The following CFAP99 variants were observed in gnomAD, a reference collection of about 807,000 sequenced individuals.
CFAP99 encodes cilia- and flagella-associated protein 99.
CFAP99 carries 84 observed loss-of-function variants against 82.7 expected under a neutral mutation model. The observed-to-expected ratio is 1.02, with a 90% CI of 0.85 to 1.22. The LOEUF (loss-of-function observed/expected upper bound fraction) is 1.22, where lower values mean the gene tolerates loss of function less well. CFAP99 is among the 50% of genes most tolerant of loss of function. CFAP99 has a pLI of 0.00. For missense variants in CFAP99, 1,059 were observed against 983.5 expected (o/e 1.08, Z -1.03); for synonymous variants, 456 against 429.5 (o/e 1.06, Z -0.76).
chr4:2,460,410 A>T (rs1444129595), intron 14 of CFAP99, among the ~76,000 whole-genome samples, 168 bp downstream of exon 14: 1 of 152,212 alleles, frequency 6.6e-6, no homozygotes, highest in Non-Finnish European at 1.5e-5. Context: ...GGTGACTTCC[A>T]GGCACATGGG....
exon 8 of CFAP99, chr4:2,449,955 A>G (rs1734264190): frequency 6.5e-7 from 1 of 1,536,158 alleles, no homozygotes; most frequent in East Asian, 2.4e-5. Context: ...GAGGGCAAAC[A>G]TCGAGGAACT....
chr4:2,421,133 C>T lies in CFAP99; in HGVS notation c.-18+2040C>T, dbSNP rs145457240. ...GTGCTTTAAGCACAAGCCATAGGGG[C>T]ATGACTTGGTAGCAACCCTTAGGAG... On this transcript the variant is annotated intron_variant, in intron 1 of 14. Transcript: ENST00000635017. 5.1e-3 allele frequency among the ~76,000 whole-genome samples: 770 copies of T among 152,328 alleles called. 6 individuals are homozygous for T. The highest frequency in any genetic ancestry group is 8.8e-3 in the Non-Finnish European group (599 of 68,026).
Position 2,462,347 on chromosome 4 carries a change from C to T in CFAP99, c.1662-96C>T. On this transcript the variant is annotated intron_variant, in intron 14 of 14. Coordinates refer to ENST00000635017, the Ensembl canonical transcript of CFAP99. The surrounding 1 kb of genome is among the most constrained non-coding windows in gnomAD (Gnocchi z 4.1). ...CCGGTGAACCTCTCCGGCTGCGTAG[C>T]TCCTTGCCCCCGCGTCGCTTGGACA... 1 of 1,231,786 alleles carries T rather than the reference C, an allele frequency of 8.1e-7. No homozygotes were observed. The highest frequency in any genetic ancestry group is 1.1e-6 in the Non-Finnish European group (1 of 949,962). 76.3% of individuals were successfully genotyped at this position (1,231,786 alleles called of 1,614,324 possible).
intron 4 of CFAP99, 106 bp from the exon 5 acceptor site, chr4:2,443,024 G>T (rs1264687086): frequency 1.5e-5 from 8 of 547,522 alleles, no homozygotes; most frequent in Non-Finnish European, 2.6e-5. Flanking sequence ...CACTGGGGGT[G>T]CTGGGGGCCT....
rs1253819268 is a variant in CFAP99, at chr4:2,440,149, C to CT, written c.351+2000dup. Among the ~76,000 whole-genome samples the CT allele has an allele frequency of 6.8e-3, 703 of 104,026 alleles. 45 individuals are homozygous for CT. The highest frequency in any genetic ancestry group is 0.018 in the East Asian group (58 of 3,188). 68.2% of individuals were successfully genotyped at this position (104,026 alleles called of 152,430 possible). A position where few individuals can be genotyped will look rare whatever the true frequency, so the allele number is the denominator to read the frequency against. ...GAGCCACTGCGCCCAGCTTGACATT[C>CT]TTTTTTTTTTTTTTTGAGACGGAGT... On this transcript the variant is annotated intron_variant, in intron 4 of 14. Coordinates refer to ENST00000635017, the Ensembl canonical transcript of CFAP99.
At position 2,460,118 on chromosome 4, in the gene CFAP99, C is replaced by T. The variant is rs1047337141; in HGVS notation, c.1537C>T (p.Arg513Cys). ...GGCCCTGCTCAAAGAGAATCAGCGG[C>T]GCAAGGAGGAAGAAAAGCGGGATCA... Residue 513 changes from arginine to cysteine, a missense_variant, in exon 14 of 15, where the codon CGC (arginine) becomes TGC (cysteine). Physicochemically the swap from Arg to Cys is radical, Grantham distance 180 (BLOSUM62 -3). Coordinates refer to ENST00000635017, the Ensembl canonical transcript of CFAP99. 15 of 1,535,934 alleles carry T rather than the reference C, an allele frequency of 9.8e-6. No homozygotes were observed. Among genetic ancestry groups the T allele is most frequent in the Non-Finnish European group, 1.2e-5 (14 of 1,146,906 alleles).
chr4:2,462,625 A>T lies in CFAP99; in HGVS notation c.1844A>T (p.Glu615Val). Residue 615 changes from glutamate to valine, a missense_variant, in exon 15 of 15, where the codon GAG (glutamate) becomes GTG (valine). Coordinates refer to ENST00000635017, the Ensembl canonical transcript of CFAP99. The surrounding 1 kb of genome is among the most constrained non-coding windows in gnomAD (Gnocchi z 4.1). ...CCCCGGGTGAGTCCGGATTGGTGGG[A>T]GGAGCCCGGGCGACTGAAAGCCGGG... 1 of 1,337,370 alleles carries T rather than the reference A, an allele frequency of 7.5e-7. No individual in the cohort carries two copies. The allele number at this position is 1,337,370 out of a possible 1,614,324, so 82.8% of individuals were successfully genotyped here.
At chr4:2,424,386 G>C (rs1733643091) in intron 1 of CFAP99, among the ~76,000 whole-genome samples, 2 of 152,226 alleles carry the variant, frequency 1.3e-5, no homozygotes, top group African/African-American at 4.8e-5. Flanking sequence ...CTGGGAGATG[G>C]AGGTTGCAGT....
At chr4:2,438,325 C>G (rs1371699919) in intron 4 of CFAP99, among the ~76,000 whole-genome samples, 161 bp downstream of exon 4, 3 of 152,156 alleles carry the variant, frequency 2.0e-5, no homozygotes. Context: ...GGCAGTGGCG[C>G]GATCTCAGCT....
intron 4 of CFAP99, among the ~76,000 whole-genome samples, chr4:2,442,256 A>G (rs1443429881): frequency 6.6e-6 from 1 of 151,910 alleles, no homozygotes; most frequent in African/African-American, 2.4e-5. Flanking sequence ...GGTGGCCAGA[A>G]GGAAGGTAAG....
intron 8 of CFAP99, chr4:2,450,347 A>G (rs956603508): frequency 1.9e-5 from 7 of 362,774 alleles, no homozygotes; most frequent in Admixed American, 3.9e-5. Flanking sequence ...ATAAAGAAAA[A>G]GCAAGGTAAT....
chr4:2,441,729 T>C (rs963612901), intron 4 of CFAP99, among the ~76,000 whole-genome samples: 2 of 152,080 alleles, frequency 1.3e-5, no homozygotes, highest in Non-Finnish European at 1.5e-5. Context: ...GCCTATCCCA[T>C]TGGGGTCCTT....
chr4:2,459,293 G>A lies in CFAP99; in HGVS notation c.1455+35G>A, dbSNP rs530348749. 6 of 1,494,230 alleles carry A rather than the reference G, an allele frequency of 4.0e-6. No homozygotes were observed. The East Asian group carries it at 1.5e-4, about 37-fold the overall frequency. The allele number at this position is 1,494,230 out of a possible 1,614,324, so 92.6% of individuals were successfully genotyped here. On this transcript the variant is annotated intron_variant, in intron 13 of 14. Coordinates refer to ENST00000635017, the Ensembl canonical transcript of CFAP99. ...CAGTCCTGGACGGGCCCATGCCTCA[G>A]GGGCCTCCACGCTGGCACTGCCATG...
In CFAP99 at chr4:2,449,972, C is replaced by T. The variant is rs906125633; in HGVS notation, c.762C>T (p.Cys254=). 1.3e-5 allele frequency: 20 copies of T among 1,536,194 alleles called. No homozygotes were observed. The South Asian group carries it at 1.4e-4, about 11-fold the overall frequency. Residue 254 remains cysteine (C), a synonymous_variant, in exon 8 of 15, where the codon TGC becomes TGT. Transcript: ENST00000635017. ...GGGCAAACATCGAGGAACTGCGCTG[C>T]GCCATGCCCAGGTCCTGCAGGGAGC...
chr4:2,425,427 G>A (rs901242556), intron 1 of CFAP99, among the ~76,000 whole-genome samples: 16 of 152,222 alleles, frequency 1.1e-4, no homozygotes, highest in Admixed American at 2.0e-4. Context: ...GGTGGGGGTC[G>A]CTTGCATGTT....
chr4:2,458,724 T>A, exon 12 of CFAP99: 2 of 1,532,744 alleles, frequency 1.3e-6, no homozygotes, highest in Non-Finnish European at 1.7e-6. Flanking sequence ...TCTGGGCAGA[T>A]GGCCAAGCTG....
intron 8 of CFAP99, chr4:2,450,221 C>T (rs1734272350): frequency 6.8e-6 from 4 of 588,108 alleles, no homozygotes; most frequent in African/African-American, 1.9e-5. Flanking sequence ...CCACATCCCC[C>T]AGGAGGAAGC....
chr4:2,458,323 G>A (rs974246669), intron 11 of CFAP99, among the ~76,000 whole-genome samples: 1 of 152,170 alleles, frequency 6.6e-6, no homozygotes, highest in African/African-American at 2.4e-5. Flanking sequence ...TAAATTTACA[G>A]AAAAGCCGTA....
intron 11 of CFAP99, among the ~76,000 whole-genome samples, chr4:2,454,581 C>CTTTTTTTTTTTGTTTTTTTTTTTTT (rs1734378524): frequency 5.3e-5 from 5 of 94,720 alleles, no homozygotes; most frequent in Non-Finnish European, 8.5e-5. Context: ...TGTTTTTTTT[C>CTTTTTTTTTTTGTTTTTTTTTTTTT]TTTTTTTTTT....
Sources: gnomAD v4.1 joint callset for allele counts (sites outside exome capture counted in the v4.1 genomes callset) on GRCh38, gnomAD v4.1.1 for gene constraint, Gnocchi (gnomAD v3.1) non-coding constraint, MANE v1.5 for transcripts, NCBI Gene and HGNC (gene_info 2026-07-23, HGNC 2026-07-21) for gene names.